The following IQCJ variants were observed in gnomAD, a reference collection of about 807,000 sequenced individuals.
The protein encoded by IQCJ is IQ domain-containing protein J.
IQCJ carries 9 observed loss-of-function variants against 11.0 expected under a neutral mutation model. The ratio of observed to expected loss-of-function variants is 0.82; its 90% CI spans 0.49 to 1.43. IQCJ has a LOEUF of 1.43. IQCJ is among the 40% of genes most tolerant of loss of function. The pLI is 0.00. For synonymous variants in IQCJ, 55 were observed against 51.3 expected (o/e 1.07, Z -0.31); for missense variants, 146 against 133.2 (o/e 1.10, Z -0.47).
At chr3:159,120,385 G>A (rs1007169005) in intron 1 of IQCJ, among the ~76,000 whole-genome samples, 5 of 152,204 alleles carry the variant, frequency 3.3e-5, no homozygotes, top group Admixed American at 1.3e-4. Flanking sequence ...CTTTCCAGAA[G>A]TTTTCTTCCT....
intron 1 of IQCJ, among the ~76,000 whole-genome samples, chr3:159,147,624 T>C (rs1720992180): frequency 6.6e-6 from 1 of 152,132 alleles, no homozygotes. Flanking sequence ...GAAGGTGTGG[T>C]TGGGGGAGGG....
intron 1 of IQCJ, among the ~76,000 whole-genome samples, chr3:159,102,077 C>G (rs1178336307): frequency 6.6e-6 from 1 of 152,184 alleles, no homozygotes. Flanking sequence ...GAATGTCATA[C>G]TAGTAGCCAG....
intron 1 of IQCJ, among the ~76,000 whole-genome samples, chr3:159,200,871 C>T (rs1577076723): frequency 6.6e-6 from 1 of 151,990 alleles, no homozygotes; most frequent in African/African-American, 2.4e-5. Flanking sequence ...AGGCTGAGGG[C>T]GGGGTCCCAC....
intron 1 of IQCJ, among the ~76,000 whole-genome samples, chr3:159,227,451 G>T (rs929711114): frequency 3.9e-5 from 6 of 152,066 alleles, no homozygotes; most frequent in Non-Finnish European, 8.8e-5. Flanking sequence ...TTTCCTTTAA[G>T]GGGATATCCA....
intron 1 of IQCJ, among the ~76,000 whole-genome samples, chr3:159,201,674 G>A (rs1011619501): frequency 2.7e-4 from 32 of 118,674 alleles, no homozygotes; most frequent in Admixed American, 1.4e-3. Flanking sequence ...TCGCTCTGTC[G>A]CCCAGGCTGG....
chr3:159,151,474 A>G (rs1577043285), intron 1 of IQCJ, among the ~76,000 whole-genome samples: 1 of 151,598 alleles, frequency 6.6e-6, no homozygotes, highest in Admixed American at 6.6e-5. Flanking sequence ...CCAACCTTCC[A>G]CCTGCTGCTC....
In IQCJ at chr3:159,262,537, TG is replaced by T. The variant is rs769947972; in HGVS notation, c.156-10del. ...GTGTGTGCTGTTTTTTGTTTTGTTT[TG>T]TTTTTTCAGCATTCAGCGAGCATGG... On this transcript the variant is annotated splice_polypyrimidine_tract_variant and intron_variant, in intron 3 of 3. Transcript: ENST00000397832. The T allele has an allele frequency of 5.0e-6, 8 of 1,611,016 alleles. No homozygotes were observed. Among genetic ancestry groups the T allele is most frequent in the Middle Eastern group, 1.7e-4 (1 of 6,042 alleles).
At chr3:159,095,992 G>C (rs61796005) in intron 1 of IQCJ, among the ~76,000 whole-genome samples, 3,908 of 27,546 alleles carry the variant, frequency 0.14, 409 homozygotes, top group South Asian at 0.32. Flanking sequence ...CAGTGTAAAA[G>C]TGTTCCTATT....
intron 1 of IQCJ, among the ~76,000 whole-genome samples, chr3:159,215,935 C>T (rs1392303169): frequency 6.6e-6 from 1 of 151,812 alleles, no homozygotes; most frequent in African/African-American, 2.4e-5. Flanking sequence ...CACTGTACAC[C>T]CAGGGCCTAG....
At chr3:159,085,882 A>G (rs1716720411) in intron 1 of IQCJ, among the ~76,000 whole-genome samples, 1 of 150,074 alleles carries the variant, frequency 6.7e-6, no homozygotes, top group Admixed American at 6.6e-5. Context: ...GTTCACTCTG[A>G]TGGTAGTTTC....
chr3:159,127,983 GCTGT>G (rs770061262), intron 1 of IQCJ, among the ~76,000 whole-genome samples: 4 of 152,148 alleles, frequency 2.6e-5, no homozygotes, highest in Admixed American at 1.3e-4. Flanking sequence ...AGTTACTGCT[GCTGT>G]CTATTTAAAA....
chr3:159,265,666 A>C, downstream of IQCJ: 1 of 319,946 alleles, frequency 3.1e-6, no homozygotes. Context: ...TGCCTAGACA[A>C]TTTTCTATCT....
At chr3:159,185,539 GA>G (rs1723327946) in intron 1 of IQCJ, among the ~76,000 whole-genome samples, 1 of 152,102 alleles carries the variant, frequency 6.6e-6, no homozygotes, top group Non-Finnish European at 1.5e-5. Context: ...ATTCAAAACA[GA>G]AAACTATTAT....
chr3:159,211,735 G>T (rs543122340), intron 1 of IQCJ, among the ~76,000 whole-genome samples: 8 of 152,152 alleles, frequency 5.3e-5, no homozygotes, highest in Non-Finnish European at 1.0e-4. Flanking sequence ...GAGTAGTGTA[G>T]AAGAAAAGCA....
At chr3:159,173,539 A>G (rs770163559) in intron 1 of IQCJ, among the ~76,000 whole-genome samples, 42 of 152,160 alleles carry the variant, frequency 2.8e-4, no homozygotes, top group Non-Finnish European at 5.3e-4. Context: ...CTTGCCAAAG[A>G]TATCTGTGGA....
intron 1 of IQCJ, among the ~76,000 whole-genome samples, chr3:159,090,187 T>A (rs1157421394): frequency 6.6e-6 from 1 of 151,652 alleles, no homozygotes; most frequent in East Asian, 1.9e-4. Context: ...CCCTGTGAGG[T>A]GTCAGTCTGC....
chr3:159,262,410 A>G lies in IQCJ; in HGVS notation c.156-138A>G, dbSNP rs1728263410. 4 of 1,335,368 alleles carry G rather than the reference A, an allele frequency of 3.0e-6. No individual in the cohort carries two copies. The South Asian group carries it at 4.6e-5, about 16-fold the overall frequency. 82.7% of individuals were successfully genotyped at this position (1,335,368 alleles called of 1,614,324 possible). A position where few individuals can be genotyped will look rare whatever the true frequency, so the allele number is the denominator to read the frequency against. ...TAAAGTTCAGGTCTCCTGATTCACT[A>G]CATCACATTCTGTATGTTCTACTTC... On this transcript the variant is annotated intron_variant, in intron 3 of 3. Transcript: ENST00000397832.
intron 1 of IQCJ, among the ~76,000 whole-genome samples, chr3:159,158,099 T>C (rs1241353137): frequency 6.6e-6 from 1 of 152,276 alleles, no homozygotes; most frequent in African/African-American, 2.4e-5. Context: ...GTCATTTTAA[T>C]ATAAATTGCC....
At chr3:159,265,288 C>T (rs1728438562), downstream of IQCJ, 1 of 1,613,764 alleles carries the variant, frequency 6.2e-7, no homozygotes, top group African/African-American at 1.3e-5. Context: ...GACAAGTTGC[C>T]TGGTGGAAGG....
Sources: gnomAD v4.1 joint callset for allele counts (sites outside exome capture counted in the v4.1 genomes callset) on GRCh38, gnomAD v4.1.1 for gene constraint, MANE v1.5 for transcripts, NCBI Gene and HGNC (gene_info 2026-07-23, HGNC 2026-07-21) for gene names.